The following RTN3 variants were observed in gnomAD, a reference collection of about 807,000 sequenced individuals.
The protein encoded by RTN3 is reticulon-3.
In RTN3, 49 loss-of-function variants were observed where a neutral mutation model predicts 77.8. The ratio of observed to expected loss-of-function variants is 0.63; its 90% CI spans 0.50 to 0.80. The LOEUF (loss-of-function observed/expected upper bound fraction) is 0.80. RTN3 is among the 30% of genes least tolerant of loss of function. The pLI is 0.00. For missense variants in RTN3, 1,236 were observed against 1,211.9 expected (o/e 1.02, Z -0.29); for synonymous variants, 464 against 446.9 (o/e 1.04, Z -0.48).
At chr11:63,698,208 C>G (rs942349357) in intron 1 of RTN3, among the ~76,000 whole-genome samples, 1 of 152,056 alleles carries the variant, frequency 6.6e-6, no homozygotes, top group African/African-American at 2.4e-5. Context: ...ACTGCCACCT[C>G]CGCTTCCTGG....
At chr11:63,709,269 A>T (rs1281513277) in intron 2 of RTN3, among the ~76,000 whole-genome samples, 2 of 152,240 alleles carry the variant, frequency 1.3e-5, no homozygotes, top group African/African-American at 4.8e-5. Context: ...TATTAGTGAT[A>T]TAATTTAGTA....
At chr11:63,747,979 G>C (rs557149578) in intron 3 of RTN3, among the ~76,000 whole-genome samples, 7 of 151,992 alleles carry the variant, frequency 4.6e-5, no homozygotes, top group Admixed American at 3.3e-4. Flanking sequence ...AAGTCCTCTA[G>C]CTATTCATGG....
At chr11:63,689,645 A>G (rs1941551922) in intron 1 of RTN3, among the ~76,000 whole-genome samples, 2 of 151,876 alleles carry the variant, frequency 1.3e-5, no homozygotes, top group East Asian at 3.9e-4. Context: ...GTTTTCTCCA[A>G]TCAACTGATT....
intron 3 of RTN3, among the ~76,000 whole-genome samples, chr11:63,735,605 T>TCTCTCTCTCTCTCTCTCTC (rs1367361695): frequency 3.3e-5 from 5 of 149,338 alleles, no homozygotes; most frequent in Admixed American, 1.3e-4. Flanking sequence ...TCTCTCTTTC[T>TCTCTCTCTCTCTCTCTCTC]TTCAACCCCT....
At chr11:63,700,901 C>A (rs1942205636) in intron 1 of RTN3, among the ~76,000 whole-genome samples, 2 of 151,638 alleles carry the variant, frequency 1.3e-5, no homozygotes, top group East Asian at 3.9e-4. Flanking sequence ...ACCATCCTGG[C>A]CAACATGGTG....
At chr11:63,693,310 G>A (rs1020522468) in intron 1 of RTN3, among the ~76,000 whole-genome samples, 2 of 151,778 alleles carry the variant, frequency 1.3e-5, no homozygotes, top group Non-Finnish European at 2.9e-5. Flanking sequence ...ATGGAGAAAC[G>A]CCATCTCTAC....
At chr11:63,750,569 C>T (rs2014047949) in intron 4 of RTN3, 1 of 210,026 alleles carries the variant, frequency 4.8e-6, no homozygotes, top group Admixed American at 5.4e-5. Context: ...TCTCCTGCCT[C>T]AGCCTCCTGA....
intron 1 of RTN3, among the ~76,000 whole-genome samples, chr11:63,682,786 G>A (rs1941130234): frequency 6.6e-6 from 1 of 152,052 alleles, no homozygotes; most frequent in African/African-American, 2.4e-5. Flanking sequence ...GGTAAGAGCT[G>A]CCTGGCAAGC....
At chr11:63,691,183 C>G (rs921211137) in intron 1 of RTN3, among the ~76,000 whole-genome samples, 1 of 143,934 alleles carries the variant, frequency 6.9e-6, no homozygotes, top group Non-Finnish European at 1.5e-5. Context: ...TGCAGTGGCA[C>G]GATCTCTGCT....
chr11:63,730,310 G>T (rs1053676769), intron 3 of RTN3, among the ~76,000 whole-genome samples: 1 of 152,126 alleles, frequency 6.6e-6, no homozygotes, highest in Admixed American at 6.6e-5. Context: ...GAAAGTAAAT[G>T]GATGGAAAAG....
rs752184382 is a variant in RTN3, at chr11:63,720,927, C to T, written c.2425C>T (p.Pro809Ser). The change falls in exon 3 of 9, where the codon CCC becomes TCC. Residue 809 changes from proline to serine, a missense_variant. Around this residue, in one of 3 missense-constraint regions of RTN3, gnomAD observed 1,056 missense variants for 990.4 expected, o/e 1.07. Transcript: ENST00000377819. Reference sequence around the variant, plus strand: ...ATCTGATCTTGGGATTTCCCAGAAGCCCATCACTATCAGAGAAACTACTAG... The same window carrying T: ...ATCTGATCTTGGGATTTCCCAGAAGTCCATCACTATCAGAGAAACTACTAG... ...NGSDLGISQKPITIRETTRVD... is the reference protein window; with the variant it reads ...NGSDLGISQKSITIRETTRVD... 14 of 1,613,854 alleles carry T rather than the reference C, an allele frequency of 8.7e-6. No homozygotes were observed. The African/African-American group carries it at 1.9e-4, about 22-fold the overall frequency.
At chr11:63,722,230 T>G (rs566242932) in intron 3 of RTN3, among the ~76,000 whole-genome samples, 2 of 152,332 alleles carry the variant, frequency 1.3e-5, no homozygotes, top group South Asian at 4.1e-4. Flanking sequence ...TTTTAAACTA[T>G]TTGATTATAG....
At chr11:63,684,156 GT>G (rs748773157) in intron 1 of RTN3, among the ~76,000 whole-genome samples, 4 of 44,600 alleles carry the variant, frequency 9.0e-5, no homozygotes, top group African/African-American at 2.5e-4. Context: ...TTTTTTTTTG[GT>G]TTTTTTTTTG....
chr11:63,700,650 C>G (rs1357813622), intron 1 of RTN3, among the ~76,000 whole-genome samples: 2 of 151,264 alleles, frequency 1.3e-5, no homozygotes, highest in Non-Finnish European at 2.9e-5. Flanking sequence ...GTCACCCAGG[C>G]TGGAGTGCAG....
intron 3 of RTN3, among the ~76,000 whole-genome samples, chr11:63,722,132 T>C (rs533130): frequency 5.9e-5 from 9 of 152,304 alleles, no homozygotes; most frequent in African/African-American, 2.2e-4. Context: ...TTCAAGCCCC[T>C]CTACAAGGGA....
chr11:63,703,522 G>T (rs1942345954), intron 1 of RTN3, among the ~76,000 whole-genome samples: 1 of 151,718 alleles, frequency 6.6e-6, no homozygotes, highest in Non-Finnish European at 1.5e-5. Context: ...GAGCTTTTAT[G>T]AATATCTTCA....
intron 3 of RTN3, among the ~76,000 whole-genome samples, chr11:63,746,268 C>T (rs1432774499): frequency 6.6e-6 from 1 of 152,176 alleles, no homozygotes; most frequent in Non-Finnish European, 1.5e-5. Flanking sequence ...AGAAGAATTA[C>T]AGTTGTGCTA....
At chr11:63,703,097 A>T (rs1450431935) in intron 1 of RTN3, among the ~76,000 whole-genome samples, 1 of 152,160 alleles carries the variant, frequency 6.6e-6, no homozygotes, top group Non-Finnish European at 1.5e-5. Context: ...GACCAAAAAT[A>T]TTTTTTTAAA....
At chr11:63,721,134 C>T in intron 3 of RTN3, 102 bp downstream of exon 3, 1 of 1,030,728 alleles carries the variant, frequency 9.7e-7, no homozygotes, top group South Asian at 1.9e-5. Flanking sequence ...AAAATTATGG[C>T]TAAAATACAA....
Sources: allele counts gnomAD v4.1 joint callset (sites outside exome capture counted in the v4.1 genomes callset), GRCh38; gene constraint gnomAD v4.1.1; regional missense constraint gnomAD v4.1.1; transcripts MANE v1.5; gene names NCBI Gene and HGNC (gene_info 2026-07-23, HGNC 2026-07-21).